Variants in GGACT observed in about 807,000 individuals in gnomAD.
GGACT encodes gamma-glutamylamine cyclotransferase, also known as gamma-glutamylaminecyclotransferase.
For missense variants in GGACT, 241 were observed against 233.2 expected (o/e 1.03, Z -0.22); for synonymous variants, 118 against 115.3 (o/e 1.02, Z -0.15).
chr13:100,538,588 G>A (rs973766572), intron 2 of GGACT: 2 of 152,224 alleles, frequency 1.3e-5, no homozygotes, highest in Admixed American at 6.5e-5. Context: ...CAATAACCAC[G>A]GAAAGCAAAA....
intron 2 of GGACT, among the ~76,000 whole-genome samples, chr13:100,541,076 G>GT (rs2088549478): frequency 6.6e-6 from 1 of 152,204 alleles, no homozygotes; most frequent in Non-Finnish European, 1.5e-5. Flanking sequence ...GGTTTAATGA[G>GT]TAATGGTAAG....
chr13:100,567,827 C>T (rs921191293), intron 2 of GGACT, among the ~76,000 whole-genome samples: 2 of 152,214 alleles, frequency 1.3e-5, no homozygotes, highest in African/African-American at 4.8e-5. Context: ...TTCTTTGACA[C>T]TGGGAAACCT....
intron 2 of GGACT, among the ~76,000 whole-genome samples, chr13:100,572,846 C>T (rs1235381382): frequency 6.6e-6 from 1 of 152,184 alleles, no homozygotes; most frequent in Non-Finnish European, 1.5e-5. Context: ...AGAGCTGTAG[C>T]TGTATCTAGC....
chr13:100,563,969 A>G (rs2088787794), intron 2 of GGACT, among the ~76,000 whole-genome samples: 1 of 152,106 alleles, frequency 6.6e-6, no homozygotes, highest in Non-Finnish European at 1.5e-5. Flanking sequence ...GGGAACCAAA[A>G]GACAGGGACT....
intron 2 of GGACT, among the ~76,000 whole-genome samples, chr13:100,554,825 CGA>C (rs1014932801): frequency 2.0e-5 from 3 of 151,392 alleles, no homozygotes; most frequent in East Asian, 1.9e-4. Flanking sequence ...TATAGGTAAA[CGA>C]GAGAGAGAGA....
At position 100,552,585 on chromosome 13, in the gene GGACT, T is replaced by C. The variant is rs551779982; in HGVS notation, c.-10-19984A>G. 1.5e-3 allele frequency among the ~76,000 whole-genome samples: 230 copies of C among 152,296 alleles called. 1 individual carries two copies. The highest frequency in any genetic ancestry group is 5.1e-3 in the African/African-American group (214 of 41,574). On this transcript the variant is annotated intron_variant, in intron 2 of 2. Transcript: ENST00000683975. ...GTGCAAGGGGCTGTGCTTTGAGTCC[T>C]TTTCTTTCCAACTTTAAAAACCAAA...
intron 2 of GGACT, among the ~76,000 whole-genome samples, chr13:100,541,999 C>G (rs2088558976): frequency 6.6e-6 from 1 of 152,132 alleles, no homozygotes; most frequent in Admixed American, 6.5e-5. Flanking sequence ...ACTTCATTAC[C>G]TTTCTGATTG....
chr13:100,532,428 T>G lies in GGACT; in HGVS notation c.164A>C (p.His55Pro), dbSNP rs1262760687. ...CACGAGGCGCCCCGAGCCGGGCAGGTGCAGCAGCCACGGGATGTTGTGCTC... is the reference window on the plus strand; with the variant it reads ...CACGAGGCGCCCCGAGCCGGGCAGGGGCAGCAGCCACGGGATGTTGTGCTC... The part of the protein sequence containing the change: ...AGEHNIPWLL[H>P]LPGSGRLVEG... Residue 55 changes from histidine to proline, a missense_variant, in exon 3 of 3, where the codon CAC becomes CCC. Transcript: ENST00000683975. 15 of 1,549,984 alleles carry G rather than the reference T, an allele frequency of 9.7e-6. No homozygotes were observed. The highest frequency in any genetic ancestry group is 1.2e-5 in the Non-Finnish European group (14 of 1,146,630).
intron 2 of GGACT, among the ~76,000 whole-genome samples, chr13:100,563,537 TG>T (rs547514186): frequency 3.0e-3 from 450 of 152,320 alleles, no homozygotes; most frequent in African/African-American, 0.01. Flanking sequence ...TGGTCCAAGC[TG>T]GGCATGGTGG....
intron 2 of GGACT, among the ~76,000 whole-genome samples, chr13:100,572,497 C>T (rs1482490533): frequency 6.6e-6 from 1 of 152,218 alleles, no homozygotes; most frequent in Non-Finnish European, 1.5e-5. Flanking sequence ...ATACTTAATA[C>T]TACTGAACTG....
intron 2 of GGACT, among the ~76,000 whole-genome samples, chr13:100,564,326 CAG>C (rs1049815619): frequency 1.3e-5 from 2 of 152,168 alleles, no homozygotes; most frequent in Admixed American, 6.5e-5. Flanking sequence ...ACTTTAAAAA[CAG>C]AGAAGGGGCA....
At chr13:100,585,432 T>C (rs1260221147) in intron 1 of GGACT, among the ~76,000 whole-genome samples, 7 of 152,130 alleles carry the variant, frequency 4.6e-5, no homozygotes, top group Non-Finnish European at 5.9e-5. Context: ...AGAGCTGGTA[T>C]CTGGCTCTTC....
chr13:100,563,017 A>C (rs1158047465), intron 2 of GGACT, among the ~76,000 whole-genome samples: 1 of 152,060 alleles, frequency 6.6e-6, no homozygotes, highest in Non-Finnish European at 1.5e-5. Flanking sequence ...TATATAAATC[A>C]AGCCAAGCAG....
intron 2 of GGACT, among the ~76,000 whole-genome samples, chr13:100,574,454 T>C (rs1875191037): frequency 6.6e-6 from 1 of 152,154 alleles, no homozygotes; most frequent in Non-Finnish European, 1.5e-5. Context: ...TGCACACCTG[T>C]AGTTCTAGCT....
rs1664320696 is a variant in GGACT at position 100,532,337 on chromosome 13, C to T, written c.255G>A (p.Pro85=). ...GCAGCACCGTGCGCTGGTACAGGGC[C>T]GGGCAACTCTCGAAGTCATCCAGAA... is the stretch of plus-strand genomic sequence containing the variant. ...LRFLDDFESC[P]ALYQRTVLRV... The change falls in exon 3 of 3, where the codon CCG becomes CCA. Residue 85 remains proline, a synonymous_variant. Transcript: ENST00000683975. The T allele has an allele frequency of 1.3e-6, 2 of 1,550,374 alleles. No homozygotes were observed. Among genetic ancestry groups the T allele is most frequent in the South Asian group, 2.4e-5 (2 of 84,032 alleles).
chr13:100,569,511 C>G lies in GGACT; in HGVS notation c.-11+14314G>C, dbSNP rs548019268. ...GGCAGGGGGGCACCATGTCCCGAGG[C>G]TGCATAGCGCATGTGGGCCCTGGGC... On this transcript the variant is annotated intron_variant, in intron 2 of 2. Transcript: ENST00000683975. Among the ~76,000 whole-genome samples the G allele has an allele frequency of 2.0e-3, 298 of 152,338 alleles. 1 individual carries two copies. Among genetic ancestry groups the G allele is most frequent in the Non-Finnish European group, 3.6e-3 (248 of 68,028 alleles).
At chr13:100,532,855 G>A (rs536188236) in intron 2 of GGACT, among the ~76,000 whole-genome samples, 1 of 152,370 alleles carries the variant, frequency 6.6e-6, no homozygotes, top group East Asian at 1.9e-4. Flanking sequence ...TCACAAACGG[G>A]CACCAGGTCG....
rs1296227986 is a variant in GGACT, at chr13:100,534,133, G to C, written c.-10-1532C>G. ...CTTCTCAGCAAACAAGAGCTGCTCT[G>C]GGGGGTTCTAGGCCTCATTTTGCTC... On this transcript the variant is annotated intron_variant, in intron 2 of 2. Transcript: ENST00000683975. The surrounding 1 kb of genome is among the most constrained non-coding windows in gnomAD (Gnocchi z 4.9). Among the ~76,000 whole-genome samples, 1 of 152,190 alleles carries C rather than the reference G, an allele frequency of 6.6e-6. No homozygotes were observed.
chr13:100,551,051 G>A (rs780388910), intron 2 of GGACT, among the ~76,000 whole-genome samples: 4 of 152,150 alleles, frequency 2.6e-5, no homozygotes, highest in East Asian at 1.9e-4. Flanking sequence ...TTGGGAGGCC[G>A]AGGCGGGTGG....
Sources: allele counts gnomAD v4.1 joint callset (sites outside exome capture counted in the v4.1 genomes callset), GRCh38; gene constraint gnomAD v4.1.1; non-coding constraint Gnocchi (gnomAD v3.1); transcripts MANE v1.5; gene names NCBI Gene and HGNC (gene_info 2026-07-23, HGNC 2026-07-21).